Variants in MSH4 observed in about 807,000 individuals in gnomAD.
MSH4 encodes mutS protein homolog 4.
In MSH4, 106 loss-of-function variants were observed where a neutral mutation model predicts 113.7. The ratio of observed to expected loss-of-function variants is 0.93; its 90% confidence interval spans 0.80 to 1.10. MSH4 has a LOEUF of 1.10. Among genes scored for constraint, MSH4 ranks in the 50% least tolerant of loss-of-function variants. The pLI, the probability that MSH4 is intolerant of heterozygous loss-of-function variation, is 0.00. For synonymous variants in MSH4, 368 were observed against 380.2 expected, an observed-to-expected ratio of 0.97 and a Z score of 0.37; for missense variants, 1,061 against 1,093.7, an observed-to-expected ratio of 0.97 and a Z score of 0.42.
chr1:75,879,130 T>A lies in MSH4; in HGVS notation c.1677+2T>A, dbSNP rs755917974. On this transcript the variant is annotated splice_donor_variant, in intron 12 of 19. Coordinates refer to ENST00000263187, the MANE Select transcript of MSH4 (RefSeq NM_002440.4). LOFTEE classifies it high-confidence loss of function. ...CAACTTCCTTCAGAATTTATTAAGGTTCATTTTAGAGTGGTTAGGAAATTA... is the reference window on the plus strand; with the variant it reads ...CAACTTCCTTCAGAATTTATTAAGGATCATTTTAGAGTGGTTAGGAAATTA... 1 of 1,608,270 alleles carries A rather than the reference T, an allele frequency of 6.2e-7. No homozygotes were observed. Among genetic ancestry groups the A allele is most frequent in the Non-Finnish European group, 8.5e-7 (1 of 1,175,584 alleles).
intron 4 of MSH4, among the ~76,000 whole-genome samples, chr1:75,813,338 C>T (rs1650227688): frequency 6.6e-6 from 1 of 152,114 alleles, no homozygotes; most frequent in Non-Finnish European, 1.5e-5. Context: ...GATAAGTCCT[C>T]CAAAGGCAAA....
At chr1:75,843,131 A>G (rs1650999133) in intron 7 of MSH4, among the ~76,000 whole-genome samples, 1 of 152,162 alleles carries the variant, frequency 6.6e-6, no homozygotes, top group Admixed American at 6.5e-5. Flanking sequence ...CCACCTGTCC[A>G]GTGGACACGT....
At chr1:75,903,377 A>G (rs1571000577) in intron 19 of MSH4, among the ~76,000 whole-genome samples, 1 of 151,862 alleles carries the variant, frequency 6.6e-6, no homozygotes, top group East Asian at 1.9e-4. Flanking sequence ...GTTCTGTTCA[A>G]TTTTTTGATG....
At chr1:75,830,237 G>C (rs1304608890) in intron 7 of MSH4, among the ~76,000 whole-genome samples, 1 of 151,878 alleles carries the variant, frequency 6.6e-6, no homozygotes, top group African/African-American at 2.4e-5. Flanking sequence ...CAAGTTTAGA[G>C]AAAAAAGGGT....
chr1:75,811,119 G>A (rs1650182090), intron 4 of MSH4, among the ~76,000 whole-genome samples: 3 of 152,034 alleles, frequency 2.0e-5, no homozygotes, highest in Admixed American at 6.5e-5. Context: ...TGATCGATCT[G>A]CCTTGGCCTC....
chr1:75,830,140 G>A (rs1445737874), intron 7 of MSH4, among the ~76,000 whole-genome samples: 20 of 152,046 alleles, frequency 1.3e-4, no homozygotes, highest in Non-Finnish European at 1.9e-4. Context: ...TTCTTGATGC[G>A]TGCACAAGCT....
intron 9 of MSH4, among the ~76,000 whole-genome samples, chr1:75,874,888 T>C (rs952657749): frequency 6.6e-6 from 1 of 151,980 alleles, no homozygotes; most frequent in African/African-American, 2.4e-5. Context: ...GTGTTAAAGT[T>C]TGTATTTATT....
chr1:75,911,654 G>A (rs1652788341), intron 19 of MSH4, among the ~76,000 whole-genome samples: 1 of 152,036 alleles, frequency 6.6e-6, no homozygotes, highest in Non-Finnish European at 1.5e-5. Flanking sequence ...ATAAACGTAA[G>A]CTTAGAGGCC....
At chr1:75,824,410 C>T (rs1314477230) in intron 7 of MSH4, among the ~76,000 whole-genome samples, 3 of 152,076 alleles carry the variant, frequency 2.0e-5, no homozygotes, top group African/African-American at 7.2e-5. Flanking sequence ...AATTTTCTCC[C>T]ATTCTGTAGG....
At chr1:75,849,889 C>T (rs895188026) in intron 8 of MSH4, among the ~76,000 whole-genome samples, 7 of 152,120 alleles carry the variant, frequency 4.6e-5, no homozygotes, top group African/African-American at 2.4e-5. Context: ...TTCAGGTTAT[C>T]TGTTTCTTCT....
intron 6 of MSH4, 44 bp from the exon 7 acceptor site, chr1:75,822,365 C>A: frequency 1.6e-6 from 2 of 1,227,686 alleles, no homozygotes; most frequent in South Asian, 1.5e-5. Context: ...AATTTTCTTG[C>A]GTTTTTCTTT....
At chr1:75,841,019 A>G (rs1650947780) in intron 7 of MSH4, among the ~76,000 whole-genome samples, 1 of 152,286 alleles carries the variant, frequency 6.6e-6, no homozygotes, top group South Asian at 2.1e-4. Context: ...CCTAGCAGTG[A>G]TATTCGAGAT....
At chr1:75,827,725 G>T (rs372522867) in intron 7 of MSH4, among the ~76,000 whole-genome samples, 22 of 151,262 alleles carry the variant, frequency 1.5e-4, no homozygotes, top group East Asian at 5.8e-4. Flanking sequence ...TGATAAAATG[G>T]ACTTTAAACC....
intron 7 of MSH4, among the ~76,000 whole-genome samples, chr1:75,828,353 C>T: frequency 6.6e-6 from 1 of 152,174 alleles, no homozygotes; most frequent in East Asian, 1.9e-4. Context: ...AAGACACCTG[C>T]ACTCACATGT....
chr1:75,883,859 C>T (rs1651989134), intron 15 of MSH4, 38 bp downstream of exon 15: 1 of 1,551,562 alleles, frequency 6.4e-7, no homozygotes, highest in Non-Finnish European at 8.8e-7. Context: ...CAGTTTTACA[C>T]TCTTTTCAGA....
At chr1:75,899,586 A>C (rs1652464435) in intron 18 of MSH4, 32 bp from the exon 19 acceptor site, 1 of 1,333,580 alleles carries the variant, frequency 7.5e-7, no homozygotes, top group South Asian at 1.6e-5. Context: ...CAGTAACAAT[A>C]TTGAAGCCAA....
Position 75,810,765 on chromosome 1 carries a change from G to T in MSH4, c.657G>T (p.Gly219=). Reference sequence around the variant, plus strand: ...TGTCAAATACTGCTTGTGCTGTGGGGAATTCCACCAAGTTGTTCACTCTGA... The same window carrying T: ...TGTCAAATACTGCTTGTGCTGTGGGTAATTCCACCAAGTTGTTCACTCTGA... ...IIMSNTACAV[G]NSTKLFTLIT... is the part of the protein sequence containing the mutation. The change falls in exon 4 of 20, where the codon GGG becomes GGT. Residue 219 remains glycine, a synonymous_variant. Coordinates refer to ENST00000263187, the MANE Select transcript of MSH4 (RefSeq NM_002440.4). 2 of 1,591,208 alleles carry T rather than the reference G, an allele frequency of 1.3e-6. No individual in the cohort carries two copies. The highest frequency in any genetic ancestry group is 8.5e-7 in the Non-Finnish European group (1 of 1,171,048).
chr1:75,811,765 G>A (rs181290108), intron 4 of MSH4, among the ~76,000 whole-genome samples: 1 of 152,268 alleles, frequency 6.6e-6, no homozygotes, highest in Non-Finnish European at 1.5e-5. Flanking sequence ...ACTATATTTT[G>A]TTATGTTTTT....
At chr1:75,821,275 A>G (rs200044190) in intron 6 of MSH4, among the ~76,000 whole-genome samples, 13 of 151,924 alleles carry the variant, frequency 8.6e-5, no homozygotes, top group African/African-American at 2.4e-4. Context: ...TCAACTACAT[A>G]GAAACTGAAC....
Sources: allele counts gnomAD v4.1 joint callset (sites outside exome capture counted in the v4.1 genomes callset), GRCh38; gene constraint gnomAD v4.1.1; transcripts MANE v1.5; gene names NCBI Gene and HGNC (gene_info 2026-07-23, HGNC 2026-07-21).